The following ZNF385D variants were observed in gnomAD, a reference collection of about 807,000 sequenced individuals.
ZNF385D encodes zinc finger protein 385D.
ZNF385D carries 15 observed loss-of-function variants against 35.8 expected under a neutral mutation model. That is an observed-to-expected ratio of 0.42 (90% CI 0.28 to 0.64). ZNF385D has a LOEUF of 0.64. ZNF385D is among the 30% of genes least tolerant of loss of function. The pLI, the probability that ZNF385D is intolerant of heterozygous loss-of-function variation, is 0.23. For synonymous variants in ZNF385D, 212 were observed against 186.8 expected (o/e 1.13, Z -1.10); for missense variants, 474 against 494.6 (o/e 0.96, Z 0.39).
chr3:21,853,149 TA>T (rs35928196), intron 3 of ZNF385D, among the ~76,000 whole-genome samples: 10,468 of 151,832 alleles, frequency 0.069, 518 homozygotes, highest in East Asian at 0.18. Flanking sequence ...GAGTAGGGTT[TA>T]AAAAAACAGC....
intron 4 of ZNF385D, among the ~76,000 whole-genome samples, chr3:21,494,192 A>C (rs1705646036): frequency 6.6e-6 from 1 of 152,168 alleles, no homozygotes; most frequent in Non-Finnish European, 1.5e-5. Context: ...TAATAGCATG[A>C]TTTTTATTAA....
chr3:22,157,154 T>TG (rs1208888941), intron 3 of ZNF385D, among the ~76,000 whole-genome samples: 1 of 152,162 alleles, frequency 6.6e-6, no homozygotes, highest in Non-Finnish European at 1.5e-5. Context: ...GCTCAGGGAC[T>TG]GGCCCTACCT....
chr3:21,672,136 C>T (rs1284314267), intron 1 of ZNF385D, among the ~76,000 whole-genome samples: 3 of 152,108 alleles, frequency 2.0e-5, no homozygotes, highest in East Asian at 1.9e-4. Flanking sequence ...CCTCAGTCAT[C>T]CAAACTCCAT....
chr3:21,698,423 G>C (rs571034408), intron 1 of ZNF385D, among the ~76,000 whole-genome samples: 3 of 152,192 alleles, frequency 2.0e-5, no homozygotes, highest in Admixed American at 1.3e-4. Context: ...TCACCATAAA[G>C]ATAAAGATAA....
intron 2 of ZNF385D, among the ~76,000 whole-genome samples, chr3:22,190,439 T>C (rs1994727): frequency 3.9e-5 from 6 of 152,144 alleles, no homozygotes; most frequent in Non-Finnish European, 8.8e-5. Flanking sequence ...AAATGAGTGG[T>C]AAGTTCCTTT....
intron 3 of ZNF385D, among the ~76,000 whole-genome samples, chr3:21,535,490 T>G (rs749628771): frequency 6.6e-6 from 1 of 152,066 alleles, no homozygotes; most frequent in Non-Finnish European, 1.5e-5. Flanking sequence ...AACAGAAAAA[T>G]GTACATCTCT....
intron 3 of ZNF385D, among the ~76,000 whole-genome samples, chr3:21,792,972 G>A (rs760919587): frequency 6.6e-6 from 1 of 152,158 alleles, no homozygotes; most frequent in Non-Finnish European, 1.5e-5. Flanking sequence ...TCAGGAAAAT[G>A]TGCCTACATA....
At chr3:21,751,737 G>C (rs1271390538), upstream of ZNF385D, among the ~76,000 whole-genome samples, 2 of 152,102 alleles carry the variant, frequency 1.3e-5, no homozygotes, top group African/African-American at 4.8e-5. Flanking sequence ...CTAGTACTTG[G>C]TGAAGTGTAA....
At chr3:21,627,535 T>C (rs1281729945) in intron 2 of ZNF385D, among the ~76,000 whole-genome samples, 4 of 152,250 alleles carry the variant, frequency 2.6e-5, no homozygotes, top group Middle Eastern at 3.4e-3. Flanking sequence ...ACCATCTATC[T>C]CATTCCCATC....
intron 3 of ZNF385D, among the ~76,000 whole-genome samples, chr3:21,951,457 C>A (rs501056): frequency 1.3e-5 from 2 of 151,072 alleles, no homozygotes; most frequent in African/African-American, 2.5e-5. Flanking sequence ...CTGAGACGAT[C>A]GGGTATTCTA....
chr3:22,258,334 TAAGTG>T (rs1327553952), intron 2 of ZNF385D, among the ~76,000 whole-genome samples: 9 of 151,714 alleles, frequency 5.9e-5, no homozygotes, highest in African/African-American at 2.2e-4. Flanking sequence ...ATAAGCAGAA[TAAGTG>T]AAGAAAAAAT....
At chr3:21,820,952 C>A (rs966326408) in intron 3 of ZNF385D, among the ~76,000 whole-genome samples, 1 of 150,878 alleles carries the variant, frequency 6.6e-6, no homozygotes, top group East Asian at 1.9e-4. Context: ...TTTAAAAATT[C>A]TAGAAAAATA....
chr3:21,903,642 C>T (rs1699528436), intron 3 of ZNF385D, among the ~76,000 whole-genome samples: 1 of 152,084 alleles, frequency 6.6e-6, no homozygotes, highest in African/African-American at 2.4e-5. Context: ...AAAAAGGGTG[C>T]ATTTTATTTT....
intron 3 of ZNF385D, among the ~76,000 whole-genome samples, chr3:21,828,140 A>G (rs1205569296): frequency 6.6e-6 from 1 of 152,240 alleles, no homozygotes; most frequent in Non-Finnish European, 1.5e-5. Flanking sequence ...ATGGAAGAAC[A>G]AATCCACGCA....
intron 2 of ZNF385D, among the ~76,000 whole-genome samples, chr3:22,259,599 A>G (rs929473436): frequency 6.6e-6 from 1 of 152,056 alleles, no homozygotes; most frequent in Non-Finnish European, 1.5e-5. Flanking sequence ...GCATATCAAA[A>G]AAATGTTTAA....
intron 3 of ZNF385D, among the ~76,000 whole-genome samples, chr3:22,059,832 G>A (rs904850928): frequency 6.6e-6 from 1 of 152,130 alleles, no homozygotes; most frequent in Non-Finnish European, 1.5e-5. Context: ...CATTATTTCT[G>A]GGTGTGACTG....
intron 3 of ZNF385D, among the ~76,000 whole-genome samples, chr3:22,136,898 G>A (rs990691063): frequency 3.9e-5 from 6 of 152,016 alleles, no homozygotes; most frequent in East Asian, 1.9e-4. Context: ...CTATGAAATC[G>A]GTAAAAAGAT....
In ZNF385D at chr3:21,863,736, C is replaced by T. The variant is rs190105082; in HGVS notation, c.326-198708G>A. On this transcript the variant is annotated intron_variant, in intron 3 of 5. Transcript: ENST00000494108. The stretch of plus-strand genomic sequence containing the variant: ...GAAAGACAGTTGAATTATGTCAGTA[C>T]GATTGATACAGAAAAGCTGGAATTT... Among the ~76,000 whole-genome samples the T allele has an allele frequency of 5.9e-5, 9 of 152,128 alleles. No homozygotes were observed. In the East Asian group the frequency reaches 1.4e-3, roughly 23 times the overall value.
intron 3 of ZNF385D, among the ~76,000 whole-genome samples, chr3:22,060,143 C>G (rs1699616438): frequency 6.6e-6 from 1 of 152,154 alleles, no homozygotes. Flanking sequence ...TCCCCTAATT[C>G]CCAGCCTTTT....
Sources: allele counts gnomAD v4.1 joint callset (sites outside exome capture counted in the v4.1 genomes callset), GRCh38; gene constraint gnomAD v4.1.1; transcripts MANE v1.5; gene names NCBI Gene and HGNC (gene_info 2026-07-23, HGNC 2026-07-21).